The following PPM1H variants were observed in gnomAD, a reference collection of about 807,000 sequenced individuals.
The protein encoded by PPM1H is protein phosphatase, Mg2+/Mn2+ dependent 1H, also known as protein phosphatase 1H.
A neutral mutation model predicts 54.9 loss-of-function variants in PPM1H; 27 were observed. That is an observed-to-expected ratio of 0.49 (90% CI 0.36 to 0.68). The LOEUF is 0.68. Ranked by LOEUF, PPM1H falls within the 30% of genes least tolerant of loss-of-function variation. The probability of loss-of-function intolerance (pLI) is 0.00; values close to 1 mark genes in which losing one functional copy is unlikely to be tolerated. For synonymous variants in PPM1H, 305 were observed against 270.8 expected (o/e 1.13, Z -1.24); for missense variants, 596 against 667.8 (o/e 0.89, Z 1.19).
At chr12:62,779,420 A>C (rs2076629216) in intron 4 of PPM1H, among the ~76,000 whole-genome samples, 1 of 152,264 alleles carries the variant, frequency 6.6e-6, no homozygotes, top group Admixed American at 6.5e-5. Flanking sequence ...CAGTTGATGC[A>C]CAACTATTTC....
At chr12:62,826,271 G>A (rs142192864) in intron 2 of PPM1H, among the ~76,000 whole-genome samples, 1,787 of 152,278 alleles carry the variant, frequency 0.012, 13 homozygotes, top group Non-Finnish European at 0.018. Flanking sequence ...CCAACATGGC[G>A]AAACCCTGTC....
Position 62,802,059 on chromosome 12 carries a change from C to G in PPM1H, c.513G>C (p.Thr171=), listed in dbSNP as rs781137668. ...TGTCCACGATGTCCTGCAGCTGCTCCGTGATGTGGTGCTGCAGCAGGCGTG... is the reference window on the plus strand; with the variant it reads ...TGTCCACGATGTCCTGCAGCTGCTCGGTGATGTGGTGCTGCAGCAGGCGTG... The part of the protein sequence containing the change: ...VASRLLQHHI[T]EQLQDIVDIL... The change falls in exon 3 of 10, where the codon ACG becomes ACC. Residue 171 remains threonine, a synonymous_variant. Transcript: ENST00000228705. The G allele has an allele frequency of 1.2e-6, 2 of 1,613,324 alleles. No homozygotes were observed. Among genetic ancestry groups the G allele is most frequent in the South Asian group, 1.1e-5 (1 of 91,054 alleles).
At chr12:62,771,005 A>G (rs2076575723) in intron 4 of PPM1H, among the ~76,000 whole-genome samples, 2 of 150,706 alleles carry the variant, frequency 1.3e-5, no homozygotes, top group South Asian at 4.2e-4. Flanking sequence ...AGGAATAGTG[A>G]CCTTGACTTC....
chr12:62,816,719 A>G (rs112462009), intron 2 of PPM1H, among the ~76,000 whole-genome samples: 31 of 152,082 alleles, frequency 2.0e-4, no homozygotes, highest in African/African-American at 7.5e-4. Flanking sequence ...GCTGAGTATT[A>G]TTTATGGTTT....
chr12:62,829,169 T>G (rs747127155), intron 2 of PPM1H, among the ~76,000 whole-genome samples: 1 of 152,220 alleles, frequency 6.6e-6, no homozygotes, highest in Non-Finnish European at 1.5e-5. Flanking sequence ...ACAGCATTAT[T>G]CAGAATAGCT....
At chr12:62,711,861 G>A (rs897223498) in intron 6 of PPM1H, among the ~76,000 whole-genome samples, 9 of 152,078 alleles carry the variant, frequency 5.9e-5, no homozygotes, top group Non-Finnish European at 1.0e-4. Flanking sequence ...CCTCCCTGTG[G>A]TCTGACAAAG....
In PPM1H at chr12:62,844,815, T is replaced by C. The variant is rs1868898951; in HGVS notation, c.246-12536A>G. ...GGGAGAGAGACTAGAATAATGACGG[T>C]GTTCTAAGCCTGCCTATATATTTCT... On this transcript the variant is annotated intron_variant, in intron 1 of 9. Coordinates refer to ENST00000228705, the MANE Select transcript of PPM1H (RefSeq NM_020700.2). This position sits in a 1 kb window ranked among gnomAD's most constrained non-coding sequence, Gnocchi z 5.2. Among the ~76,000 whole-genome samples, 1 of 152,216 alleles carries C rather than the reference T, an allele frequency of 6.6e-6. No homozygotes were observed. Among genetic ancestry groups the C allele is most frequent in the African/African-American group, 2.4e-5 (1 of 41,458 alleles).
At chr12:62,847,391 C>T (rs542613092) in intron 1 of PPM1H, among the ~76,000 whole-genome samples, 1 of 152,260 alleles carries the variant, frequency 6.6e-6, no homozygotes, top group East Asian at 1.9e-4. Flanking sequence ...ACTATACTAT[C>T]ATTATTAAAC....
At chr12:62,927,265 G>A (rs533062047) in intron 1 of PPM1H, among the ~76,000 whole-genome samples, 1 of 152,316 alleles carries the variant, frequency 6.6e-6, no homozygotes, top group Non-Finnish European at 1.5e-5. Context: ...GAAAACATAT[G>A]AAGATATTCA....
intron 1 of PPM1H, among the ~76,000 whole-genome samples, chr12:62,894,551 C>T (rs554919992): frequency 6.6e-6 from 1 of 152,302 alleles, no homozygotes; most frequent in South Asian, 2.1e-4. Context: ...TACTTATACT[C>T]TTAGCTGTTC....
At chr12:62,679,077 T>C (rs2076004065) in intron 8 of PPM1H, among the ~76,000 whole-genome samples, 1 of 149,754 alleles carries the variant, frequency 6.7e-6, no homozygotes, top group Non-Finnish European at 1.5e-5. Context: ...ACCTCTGCCT[T>C]GTGGGTTCAA....
In PPM1H at chr12:62,731,842, A is replaced by AG. The variant is rs375523087; in HGVS notation, c.954+5659dup. On this transcript the variant is annotated intron_variant, in intron 5 of 9. Transcript: ENST00000228705. ...GGGAAAACCATCACTCTCATACCTC[A>AG]GGGCTATGGATGTCTCCTGAGGGAG... is the stretch of plus-strand genomic sequence containing the variant. Among the ~76,000 whole-genome samples the AG allele has an allele frequency of 4.1e-3, 622 of 152,248 alleles. 6 individuals carry two copies. Among genetic ancestry groups the AG allele is most frequent in the African/African-American group, 0.015 (611 of 41,542 alleles).
intron 1 of PPM1H, among the ~76,000 whole-genome samples, chr12:62,852,228 CAAAAAAA>C (rs59673617): frequency 5.0e-5 from 3 of 60,404 alleles, no homozygotes; most frequent in African/African-American, 1.2e-4. Context: ...GACTCTGTCT[CAAAAAAA>C]AAAAAAAAAA....
intron 7 of PPM1H, 125 bp from the exon 8 acceptor site, chr12:62,689,931 A>C (rs1490109886): frequency 3.3e-6 from 2 of 600,656 alleles, no homozygotes. Context: ...ATATGTTTCC[A>C]GGCCCCTTGC....
intron 2 of PPM1H, among the ~76,000 whole-genome samples, chr12:62,823,795 C>G (rs1192631116): frequency 3.3e-5 from 5 of 152,144 alleles, no homozygotes; most frequent in Non-Finnish European, 1.5e-5. Context: ...CAATATCATA[C>G]TGAATGGGCA....
At chr12:62,732,607 T>C (rs1157991148) in intron 5 of PPM1H, among the ~76,000 whole-genome samples, 1 of 150,500 alleles carries the variant, frequency 6.6e-6, no homozygotes, top group Non-Finnish European at 1.5e-5. Flanking sequence ...AGTCTCTCTC[T>C]GTCACCCAGG....
intron 4 of PPM1H, among the ~76,000 whole-genome samples, chr12:62,766,400 G>T (rs2076543636): frequency 6.6e-6 from 1 of 151,468 alleles, no homozygotes; most frequent in South Asian, 2.1e-4. Context: ...AAACTAGAAA[G>T]ATCACAGGAA....
At chr12:62,764,732 G>A (rs1414466374) in intron 4 of PPM1H, among the ~76,000 whole-genome samples, 1 of 152,206 alleles carries the variant, frequency 6.6e-6, no homozygotes, top group Admixed American at 6.5e-5. Flanking sequence ...ATATAGGGAG[G>A]AGCCGTGATC....
intron 4 of PPM1H, among the ~76,000 whole-genome samples, chr12:62,745,648 A>G (rs2076406245): frequency 6.6e-6 from 1 of 152,214 alleles, no homozygotes; most frequent in Non-Finnish European, 1.5e-5. Context: ...CTGTTTCAGG[A>G]GCCACTAACT....
Sources: gnomAD v4.1 joint callset for allele counts (sites outside exome capture counted in the v4.1 genomes callset) on GRCh38, gnomAD v4.1.1 for gene constraint, Gnocchi (gnomAD v3.1) non-coding constraint, MANE v1.5 for transcripts, NCBI Gene and HGNC (gene_info 2026-07-23, HGNC 2026-07-21) for gene names.